Variants in CAP2 observed in about 807,000 individuals in gnomAD.
CAP2 encodes cyclase associated actin cytoskeleton regulatory protein 2.
A neutral mutation model predicts 57.7 loss-of-function variants in CAP2; 24 were observed. The observed-to-expected ratio is 0.42, with a 90% CI of 0.30 to 0.58. The LOEUF is 0.58. CAP2 is among the 20% of genes least tolerant of loss of function. CAP2 has a pLI of 0.22. For missense variants in CAP2, 501 were observed against 590.3 expected (o/e 0.85, Z 1.57); for synonymous variants, 194 against 207.2 (o/e 0.94, Z 0.55).
chr6:17,452,558 G>A (rs903359105), intron 3 of CAP2, among the ~76,000 whole-genome samples: 2 of 152,132 alleles, frequency 1.3e-5, no homozygotes, highest in Non-Finnish European at 2.9e-5. Flanking sequence ...GGGCAGTTTG[G>A]ATGTTGGTTT....
intron 3 of CAP2, among the ~76,000 whole-genome samples, chr6:17,461,014 T>G (rs1760705822): frequency 6.6e-6 from 1 of 152,110 alleles, no homozygotes; most frequent in Admixed American, 6.5e-5. Flanking sequence ...CCGAGTGTGG[T>G]GGTGTGCGCC....
intron 1 of CAP2, among the ~76,000 whole-genome samples, chr6:17,396,893 T>G (rs1395715173): frequency 6.6e-6 from 1 of 152,166 alleles, no homozygotes; most frequent in African/African-American, 2.4e-5. Context: ...AGTATCCAGT[T>G]GCATCTTTGT....
Position 17,527,289 on chromosome 6 carries a change from C to G in CAP2, c.637-11980C>G, listed in dbSNP as rs576622645. 2.0e-5 allele frequency among the ~76,000 whole-genome samples: 3 copies of G among 152,302 alleles called. No individual in the cohort carries two copies. In the South Asian group the frequency reaches 6.2e-4, roughly 32 times the overall value. On this transcript the variant is annotated intron_variant, in intron 7 of 12. Coordinates refer to ENST00000229922, the MANE Select transcript of CAP2 (RefSeq NM_006366.3). ...CAGCTAATTCAAGCCACATGTCCCTCTTGGTCTTTATATAACTGTTGGGCC... is the reference window on the plus strand; with the variant it reads ...CAGCTAATTCAAGCCACATGTCCCTGTTGGTCTTTATATAACTGTTGGGCC...
chr6:17,465,027 T>C (rs1317923838), intron 4 of CAP2, among the ~76,000 whole-genome samples: 2 of 152,200 alleles, frequency 1.3e-5, no homozygotes, highest in East Asian at 3.9e-4. Flanking sequence ...TCACTAAATA[T>C]TGAATGAAAA....
At chr6:17,430,904 A>G (rs913212836) in intron 3 of CAP2, among the ~76,000 whole-genome samples, 5 of 152,176 alleles carry the variant, frequency 3.3e-5, no homozygotes, top group African/African-American at 1.2e-4. Context: ...TCTCAGGTCT[A>G]TTTCTAATTG....
intron 7 of CAP2, among the ~76,000 whole-genome samples, chr6:17,530,635 T>C (rs538071988): frequency 6.6e-6 from 1 of 152,200 alleles, no homozygotes; most frequent in East Asian, 1.9e-4. Context: ...ATGTCAGCTG[T>C]TTCATTTTGT....
intron 3 of CAP2, among the ~76,000 whole-genome samples, chr6:17,439,616 C>A (rs1203334015): frequency 1.3e-5 from 2 of 151,292 alleles, no homozygotes; most frequent in African/African-American, 2.5e-5. Context: ...CTAGACGGTC[C>A]CATTTAGGGG....
chr6:17,421,801 AC>A, intron 2 of CAP2, 125 bp downstream of exon 2: 1 of 1,090,390 alleles, frequency 9.2e-7, no homozygotes, highest in Non-Finnish European at 1.4e-6. Context: ...ATCGTATGTG[AC>A]CATAACATTA....
At chr6:17,424,885 G>A (rs1442205528) in intron 2 of CAP2, among the ~76,000 whole-genome samples, 1 of 152,122 alleles carries the variant, frequency 6.6e-6, no homozygotes, top group Non-Finnish European at 1.5e-5. Flanking sequence ...AGAGATCCCC[G>A]CTCGGGCCTC....
At chr6:17,465,904 C>G (rs574601144) in intron 4 of CAP2, among the ~76,000 whole-genome samples, 17 of 152,278 alleles carry the variant, frequency 1.1e-4, no homozygotes, top group African/African-American at 4.1e-4. Context: ...CCTGGGAAGC[C>G]CCAGGGGCTC....
chr6:17,478,624 A>G (rs560552977), intron 4 of CAP2, among the ~76,000 whole-genome samples: 22 of 152,014 alleles, frequency 1.4e-4, no homozygotes, highest in Non-Finnish European at 2.9e-4. Flanking sequence ...TCTCTGTTTA[A>G]AAAAACCAAA....
At chr6:17,429,843 C>A (rs1339075078) in intron 3 of CAP2, among the ~76,000 whole-genome samples, 1 of 152,192 alleles carries the variant, frequency 6.6e-6, no homozygotes, top group Admixed American at 6.5e-5. Flanking sequence ...GACGTTAATA[C>A]TTTGAACATG....
intron 3 of CAP2, among the ~76,000 whole-genome samples, chr6:17,439,003 T>G (rs1263089681): frequency 6.7e-6 from 1 of 150,094 alleles, no homozygotes; most frequent in Non-Finnish European, 1.5e-5. Flanking sequence ...CCCAGCTACT[T>G]GGGAGGCTGG....
chr6:17,482,015 G>A (rs571006867), intron 4 of CAP2, among the ~76,000 whole-genome samples: 1 of 152,258 alleles, frequency 6.6e-6, no homozygotes, highest in African/African-American at 2.4e-5. Flanking sequence ...TTCTCATGAT[G>A]TTCGTGCCAA....
At chr6:17,455,495 C>T (rs1201557536) in intron 3 of CAP2, among the ~76,000 whole-genome samples, 1 of 152,022 alleles carries the variant, frequency 6.6e-6, no homozygotes, top group African/African-American at 2.4e-5. Context: ...ACCCGCTTGG[C>T]CCTCTTCCAA....
intron 8 of CAP2, among the ~76,000 whole-genome samples, chr6:17,539,690 G>C (rs988703998): frequency 2.0e-5 from 3 of 152,166 alleles, no homozygotes; most frequent in East Asian, 3.9e-4. Flanking sequence ...GAGACTCTGG[G>C]TTCTAAATGG....
At chr6:17,478,752 A>T (rs1315153565) in intron 4 of CAP2, among the ~76,000 whole-genome samples, 1 of 152,080 alleles carries the variant, frequency 6.6e-6, no homozygotes, top group Non-Finnish European at 1.5e-5. Flanking sequence ...CTTCCCTGTC[A>T]CTTTTTAATC....
chr6:17,429,497 G>A (rs530446475), intron 3 of CAP2, among the ~76,000 whole-genome samples: 62 of 152,218 alleles, frequency 4.1e-4, no homozygotes, highest in African/African-American at 1.5e-3. Flanking sequence ...TCTTCAAATT[G>A]CACAGTAAAC....
intron 3 of CAP2, among the ~76,000 whole-genome samples, chr6:17,436,086 T>TTTCCTTCCTTCCTTCCTTCC (rs745555651): frequency 9.1e-4 from 122 of 133,994 alleles, no homozygotes; most frequent in African/African-American, 3.4e-3. Flanking sequence ...TCTTTCTTTC[T>TTTCCTTCCTTCCTTCCTTCC]TTCCTTCCTT....
Sources: gnomAD v4.1 joint callset for allele counts (sites outside exome capture counted in the v4.1 genomes callset) on GRCh38, gnomAD v4.1.1 for gene constraint, MANE v1.5 for transcripts, NCBI Gene and HGNC (gene_info 2026-07-23, HGNC 2026-07-21) for gene names.